Variants in MAP3K15 observed in about 807,000 individuals in gnomAD.
MAP3K15 encodes MAPK/ERK kinase kinase 15.
MAP3K15 carries 124 observed loss-of-function variants against 99.5 expected under a neutral mutation model. That is an observed-to-expected ratio of 1.25 (90% CI 1.08 to 1.45). The LOEUF is 1.45. Ranked by LOEUF, MAP3K15 falls within the 40% of genes most tolerant of loss-of-function variation. The pLI, the probability that MAP3K15 is intolerant of heterozygous loss-of-function variation, is 0.00. For missense variants in MAP3K15, 1,242 were observed against 1,079.7 expected (o/e 1.15, Z -2.11); for synonymous variants, 494 against 439.6 (o/e 1.12, Z -1.55).
chrX:19,482,948 A>G (rs1392102273), intron 3 of MAP3K15, among the ~76,000 whole-genome samples: 1 of 111,058 alleles, frequency 9.0e-6, no homozygotes, highest in Non-Finnish European at 1.9e-5. Context: ...CTGCAAAGCA[A>G]CTGCTCCTAG....
At chrX:19,378,634 C>T (rs1268381631) in intron 19 of MAP3K15, among the ~76,000 whole-genome samples, 1 of 111,527 alleles carries the variant, frequency 9.0e-6, no homozygotes, top group African/African-American at 3.3e-5. Context: ...ATGGGAACTA[C>T]AATTCAAGAT....
At chrX:19,491,944 C>T (rs2064371442) in intron 1 of MAP3K15, among the ~76,000 whole-genome samples, 1 of 108,830 alleles carries the variant, frequency 9.2e-6, no homozygotes, top group African/African-American at 3.4e-5. Context: ...CCTCAGCCTC[C>T]CAAAGTGCTG....
At chrX:19,422,395 A>C (rs937057425) in intron 9 of MAP3K15, among the ~76,000 whole-genome samples, 1 of 112,197 alleles carries the variant, frequency 8.9e-6, no homozygotes, top group Non-Finnish European at 1.9e-5. Context: ...CTTCTCAAAA[A>C]AAGACATTTA....
chrX:19,486,506 C>G lies in MAP3K15; in HGVS notation c.502-1G>C. 1 of 888,985 alleles carries G rather than the reference C, an allele frequency of 1.1e-6. No individual in the cohort carries two copies. Among genetic ancestry groups the G allele is most frequent in the Non-Finnish European group, 1.5e-6 (1 of 661,197 alleles). The allele number at this position is 888,985 out of a possible 1,213,427, so 73.3% of individuals were successfully genotyped here. ...CTGTGTTTTTTTGAGTTACCATGTCCTGAAAAGAAAAAGAAAAGATGAATA... is the reference window on the plus strand; with the variant it reads ...CTGTGTTTTTTTGAGTTACCATGTCGTGAAAAGAAAAAGAAAAGATGAATA... On this transcript the variant is annotated splice_acceptor_variant, in intron 2 of 28. Transcript: ENST00000338883. LOFTEE classifies it high-confidence loss of function.
intron 1 of MAP3K15, among the ~76,000 whole-genome samples, chrX:19,505,576 AG>A (rs1331285270): frequency 9.0e-6 from 1 of 110,506 alleles, no homozygotes; most frequent in Middle Eastern, 4.2e-3. Flanking sequence ...GACCATGGAA[AG>A]GGATGAGAAG....
chrX:19,508,498 G>C (rs1602359967), intron 1 of MAP3K15, among the ~76,000 whole-genome samples: 2 of 112,311 alleles, frequency 1.8e-5, no homozygotes, highest in African/African-American at 6.5e-5. Context: ...TGATGGTCAC[G>C]TAACAGTGTG....
At chrX:19,444,109 A>T (rs893145808) in intron 6 of MAP3K15, among the ~76,000 whole-genome samples, 7 of 112,192 alleles carry the variant, frequency 6.2e-5, no homozygotes, top group East Asian at 2.8e-4. Context: ...GCTGCTGGTG[A>T]GAACTTCCTT....
intron 19 of MAP3K15, among the ~76,000 whole-genome samples, chrX:19,375,714 C>A (rs2063412147): frequency 8.9e-6 from 1 of 112,387 alleles, no homozygotes; most frequent in Non-Finnish European, 1.9e-5. Flanking sequence ...TCAGCCTCCA[C>A]AATCCCCGCC....
Position 19,425,595 on chromosome X carries a change from C to G in MAP3K15, c.1375G>C (p.Ala459Pro). ...VGQFFSVSML[A>P]HDVGKAVQAA... ...TGGACGGCTTTCCCGACATCATGGGCCAGCATGCTGACGCTGAAGAACTGA... is the reference window on the plus strand; with the variant it reads ...TGGACGGCTTTCCCGACATCATGGGGCAGCATGCTGACGCTGAAGAACTGA... The change falls in exon 9 of 29, where the codon GCC (alanine) becomes CCC (proline). Residue 459 changes from alanine to proline, a missense_variant. By Grantham distance (27) the Ala-to-Pro change is conservative. Coordinates refer to ENST00000338883, the MANE Select transcript of MAP3K15 (RefSeq NM_001001671.4). 1 of 1,199,058 alleles carries G rather than the reference C, an allele frequency of 8.3e-7. No homozygotes were observed. Among genetic ancestry groups the G allele is most frequent in the Non-Finnish European group, 1.1e-6 (1 of 894,287 alleles).
At chrX:19,434,071 A>G (rs2063904560) in intron 6 of MAP3K15, among the ~76,000 whole-genome samples, 1 of 112,361 alleles carries the variant, frequency 8.9e-6, no homozygotes, top group Non-Finnish European at 1.9e-5. Flanking sequence ...ACACATTCAC[A>G]TGTTAATGTA....
intron 2 of MAP3K15, among the ~76,000 whole-genome samples, chrX:19,487,136 G>A (rs1250571015): frequency 2.5e-5 from 2 of 81,061 alleles, no homozygotes; most frequent in East Asian, 5.1e-4. Context: ...GGGTGGGGGG[G>A]GGGAAGGGCG....
intron 8 of MAP3K15, 55 bp from the exon 9 acceptor site, chrX:19,425,745 C>G (rs1048454523): frequency 2.8e-6 from 3 of 1,068,854 alleles, no homozygotes; most frequent in African/African-American, 3.7e-5. Context: ...TTCTGTCATA[C>G]TGAGGATAAG....
Position 19,391,507 on chromosome X carries a change from G to A in MAP3K15, c.2431+495C>T, listed in dbSNP as rs928028349. 3.8e-4 allele frequency among the ~76,000 whole-genome samples: 41 copies of A among 107,237 alleles called. 1 individual carries two copies. Among genetic ancestry groups the A allele is most frequent in the Middle Eastern group, 4.8e-3 (1 of 207 alleles). 93.1% of individuals were successfully genotyped at this position (107,237 alleles called of 115,157 possible). A position where few individuals can be genotyped will look rare whatever the true frequency, so the allele number is the denominator to read the frequency against. On this transcript the variant is annotated intron_variant, in intron 18 of 28. Transcript: ENST00000338883. ...AGCCTGGTCAACATGGTGAAACCTC[G>A]TCTCTACTGAAAATAGAAAATTAGG... is the stretch of plus-strand genomic sequence containing the variant.
intron 1 of MAP3K15, among the ~76,000 whole-genome samples, chrX:19,511,193 G>C (rs113774381): frequency 9.0e-6 from 1 of 111,621 alleles, no homozygotes. Context: ...AGACTTAAAC[G>C]TAAGACCTAA....
chrX:19,496,056 C>T (rs2064399247), intron 1 of MAP3K15, among the ~76,000 whole-genome samples: 2 of 102,522 alleles, frequency 2.0e-5, no homozygotes, highest in African/African-American at 7.6e-5. Context: ...CCAGTGAACA[C>T]ATCACCCCAA....
chrX:19,438,610 A>G (rs982102222), intron 6 of MAP3K15, among the ~76,000 whole-genome samples: 1 of 111,898 alleles, frequency 8.9e-6, no homozygotes, highest in Non-Finnish European at 1.9e-5. Context: ...GTGCCAGAGC[A>G]CTGACTTGCC....
At chrX:19,439,816 G>T (rs73455624) in intron 6 of MAP3K15, among the ~76,000 whole-genome samples, 2,690 of 111,664 alleles carry the variant, frequency 0.024, 72 homozygotes, top group African/African-American at 0.08. Flanking sequence ...AAAAATACTA[G>T]AAACTGAGCA....
At chrX:19,461,276 G>A (rs1249696594) in intron 4 of MAP3K15, among the ~76,000 whole-genome samples, 1 of 112,125 alleles carries the variant, frequency 8.9e-6, no homozygotes, top group Non-Finnish European at 1.9e-5. Context: ...ACTGCACCCA[G>A]CCAGAACGGG....
At chrX:19,387,533 C>T (rs992734263) in intron 18 of MAP3K15, among the ~76,000 whole-genome samples, 1 of 110,049 alleles carries the variant, frequency 9.1e-6, no homozygotes, top group African/African-American at 3.3e-5. Flanking sequence ...ACTACAAGTG[C>T]GCACCACCAC....
Sources: gnomAD v4.1 joint callset for allele counts (sites outside exome capture counted in the v4.1 genomes callset) on GRCh38, gnomAD v4.1.1 for gene constraint, MANE v1.5 for transcripts, NCBI Gene and HGNC (gene_info 2026-07-23, HGNC 2026-07-21) for gene names.